The following PTPN5 variants were observed in gnomAD, a reference collection of about 807,000 sequenced individuals.
PTPN5 encodes protein tyrosine phosphatase non-receptor type 5, also known as tyrosine-protein phosphatase non-receptor type 5.
A neutral mutation model predicts 73.9 loss-of-function variants in PTPN5; 29 were observed. That is an observed-to-expected ratio of 0.39 (90% CI 0.29 to 0.54). PTPN5 has a LOEUF of 0.54. Among genes scored for constraint, PTPN5 ranks in the 20% least tolerant of loss-of-function variants. The probability of loss-of-function intolerance (pLI) is 0.65; values close to 1 mark genes in which losing one functional copy is unlikely to be tolerated. For synonymous variants in PTPN5, 267 were observed against 304.7 expected, an observed-to-expected ratio of 0.88 and a Z score of 1.29; for missense variants, 652 against 751.4, an observed-to-expected ratio of 0.87 and a Z score of 1.55.
intron 3 of PTPN5, among the ~76,000 whole-genome samples, chr11:18,758,737 C>T (rs1441428329): frequency 6.6e-6 from 1 of 151,690 alleles, no homozygotes; most frequent in Non-Finnish European, 1.5e-5. Flanking sequence ...TGTCCCTGAG[C>T]CAGACCAAAG....
chr11:18,760,767 G>A (rs984616708), intron 3 of PTPN5, among the ~76,000 whole-genome samples: 3 of 152,314 alleles, frequency 2.0e-5, no homozygotes, highest in East Asian at 1.9e-4. Flanking sequence ...CCTGTGCCCC[G>A]TCTCTTCTGT....
intron 1 of PTPN5, among the ~76,000 whole-genome samples, chr11:18,773,458 G>A (rs749971118): frequency 1.3e-5 from 2 of 152,086 alleles, no homozygotes; most frequent in East Asian, 1.9e-4. Flanking sequence ...CAGGGCTTCC[G>A]CTGCACCCCA....
chr11:18,743,694 C>G, intron 4 of PTPN5: 1 of 581,550 alleles, frequency 1.7e-6, no homozygotes, highest in East Asian at 2.8e-5. Flanking sequence ...AAAGAGTAGT[C>G]TCCTAGAAAG....
At chr11:18,743,280 A>G (rs771704742) in intron 5 of PTPN5, 42 bp downstream of exon 5, 1 of 1,590,744 alleles carries the variant, frequency 6.3e-7, no homozygotes, top group Admixed American at 1.7e-5. Context: ...AGAGGCCCCC[A>G]ACAGATCCCT....
intron 4 of PTPN5, 66 bp downstream of exon 4, chr11:18,743,940 G>T: frequency 6.7e-7 from 1 of 1,502,278 alleles, no homozygotes; most frequent in South Asian, 1.3e-5. Context: ...TCCTGGGGAG[G>T]AAGTGGGAGG....
chr11:18,739,361 A>G (rs1849261887), intron 8 of PTPN5, among the ~76,000 whole-genome samples: 1 of 152,152 alleles, frequency 6.6e-6, no homozygotes, highest in Non-Finnish European at 1.5e-5. Flanking sequence ...TGGGGTGGTT[A>G]AAGAAGGCTT....
chr11:18,732,784 G>A, intron 11 of PTPN5, 82 bp from the exon 12 acceptor site: 1 of 1,161,140 alleles, frequency 8.6e-7, no homozygotes, highest in Non-Finnish European at 1.3e-6. Context: ...CCAGCGGAGA[G>A]ATACACAAGG....
chr11:18,783,531 T>C (rs1851537390), intron 1 of PTPN5, among the ~76,000 whole-genome samples: 1 of 152,256 alleles, frequency 6.6e-6, no homozygotes, highest in Admixed American at 6.5e-5. Flanking sequence ...ATTCTGGCTC[T>C]GACTCTTGCT....
intron 1 of PTPN5, among the ~76,000 whole-genome samples, chr11:18,776,421 C>T (rs569084367): frequency 6.6e-6 from 1 of 152,252 alleles, no homozygotes; most frequent in East Asian, 1.9e-4. Flanking sequence ...TGTTCTTACC[C>T]CTCCATACGG....
chr11:18,769,785 A>C (rs1026168865), intron 2 of PTPN5, among the ~76,000 whole-genome samples: 1 of 152,236 alleles, frequency 6.6e-6, no homozygotes, highest in Non-Finnish European at 1.5e-5. Flanking sequence ...TAGAAAGAGC[A>C]AGGCATGGAG....
At chr11:18,731,781 C>T (rs73428426) in intron 12 of PTPN5, among the ~76,000 whole-genome samples, 2,673 of 152,272 alleles carry the variant, frequency 0.018, 85 homozygotes, top group African/African-American at 0.061. Context: ...GCCAAGTCTC[C>T]GGTCTTGTGC....
intron 1 of PTPN5, among the ~76,000 whole-genome samples, chr11:18,776,999 T>C (rs1198369822): frequency 6.6e-6 from 1 of 152,086 alleles, no homozygotes; most frequent in South Asian, 2.1e-4. Context: ...CTGTCTCTAC[T>C]AAAAATACAA....
chr11:18,765,669 G>A (rs1043691701), intron 3 of PTPN5, 138 bp downstream of exon 3: 9 of 680,618 alleles, frequency 1.3e-5, no homozygotes, highest in African/African-American at 1.8e-5. Context: ...CCATTTAAAC[G>A]AAGAGCTATG....
Position 18,733,673 on chromosome 11 carries a change from C to A in PTPN5, c.1001-38G>T, listed in dbSNP as rs776127848. On this transcript the variant is annotated intron_variant, in intron 9 of 14. Transcript: ENST00000358540. This position sits in a 1 kb window ranked among gnomAD's most constrained non-coding sequence, Gnocchi z 4.3. Reference sequence around the variant, plus strand: ...GAGACAAGTAAGGCTGGAAACTGGGCCCTCTGGTGCAGGACCCACTTGCTC... The same window carrying A: ...GAGACAAGTAAGGCTGGAAACTGGGACCTCTGGTGCAGGACCCACTTGCTC... 3.0e-5 allele frequency: 47 copies of A among 1,584,516 alleles called. No individual in the cohort carries two copies. The highest frequency in any genetic ancestry group is 4.1e-5 in the Non-Finnish European group (47 of 1,153,248).
chr11:18,769,670 C>T lies in PTPN5; in HGVS notation c.20+2269G>A, dbSNP rs913462015. Among the ~76,000 whole-genome samples the T allele has an allele frequency of 4.6e-5, 7 of 152,324 alleles. No individual in the cohort carries two copies. In the East Asian group the frequency reaches 5.8e-4, roughly 13 times the overall value. On this transcript the variant is annotated intron_variant, in intron 2 of 14. Transcript: ENST00000358540. ...CTGCTTGCCTCAGCCTCCCAAAGTA[C>T]TGGGATTACAGGCGTGAGCCACCGC...
At chr11:18,744,392 C>T in intron 3 of PTPN5, 193 bp from the exon 4 acceptor site, 1 of 424,882 alleles carries the variant, frequency 2.4e-6, no homozygotes, top group Non-Finnish European at 4.1e-6. Context: ...TGTGGGTGGA[C>T]AAATTATTTC....
Position 18,744,069 on chromosome 11 carries a change from G to A in PTPN5, c.228C>T (p.Gly76=), listed in dbSNP as rs202105003. 26 of 1,609,740 alleles carry A rather than the reference G, an allele frequency of 1.6e-5. No homozygotes were observed. Among genetic ancestry groups the A allele is most frequent in the Middle Eastern group, 1.7e-4 (1 of 6,038 alleles). Residue 76 remains glycine (G), a synonymous_variant, in exon 4 of 15, where the codon GGC becomes GGT. Coordinates refer to ENST00000358540, the MANE Select transcript of PTPN5 (RefSeq NM_006906.2). ...TGACAGTGAGGGAGTGGCTCCCAGCGCCTCGAGGTGGTGGCTTCTGAGCTG... is the reference window on the plus strand; with the variant it reads ...TGACAGTGAGGGAGTGGCTCCCAGCACCTCGAGGTGGTGGCTTCTGAGCTG... The part of the protein sequence containing the change: ...SDPAQKPPPR[G]AGSHSLTVRS...
intron 9 of PTPN5, among the ~76,000 whole-genome samples, chr11:18,737,361 A>T (rs1345799288): frequency 6.6e-6 from 1 of 152,010 alleles, no homozygotes; most frequent in Non-Finnish European, 1.5e-5. Context: ...GACAGAGACA[A>T]CTCATTTGCC....
At chr11:18,782,232 T>C (rs1212231001) in intron 1 of PTPN5, among the ~76,000 whole-genome samples, 5 of 143,226 alleles carry the variant, frequency 3.5e-5, no homozygotes, top group South Asian at 2.2e-4. Context: ...AAACTATGTC[T>C]TTTTTTTTTT....
Sources: allele counts gnomAD v4.1 joint callset (sites outside exome capture counted in the v4.1 genomes callset), GRCh38; gene constraint gnomAD v4.1.1; non-coding constraint Gnocchi (gnomAD v3.1); transcripts MANE v1.5; gene names NCBI Gene and HGNC (gene_info 2026-07-23, HGNC 2026-07-21).